The following SLC7A9 variants were observed in gnomAD, a reference collection of about 807,000 sequenced individuals.
SLC7A9 encodes the protein B(0,+)-type amino acid transporter 1.
A neutral mutation model predicts 54.1 loss-of-function variants in SLC7A9; 38 were observed. That is an observed-to-expected ratio of 0.70 (90% CI 0.54 to 0.92). SLC7A9 has a LOEUF of 0.92. SLC7A9 is among the 40% of genes least tolerant of loss of function. The pLI, the probability that SLC7A9 is intolerant of heterozygous loss-of-function variation, is 0.00. For synonymous variants in SLC7A9, 264 were observed against 258.9 expected, an observed-to-expected ratio of 1.02 and a Z score of -0.19; for missense variants, 537 against 636.1, an observed-to-expected ratio of 0.84 and a Z score of 1.68.
At position 32,862,437 on chromosome 19, in the gene SLC7A9, A is replaced by G. The variant is rs11084671; in HGVS notation, c.604+24T>C. ...AAGGGCGTTTGGTGTGTGCCCGTGC[A>G]GGGCCCACCCTCCCGTGGGTCACCT... On this transcript the variant is annotated intron_variant, in intron 5 of 12. Transcript: ENST00000023064. The G allele has an allele frequency of 0.33, 526,086 of 1,611,538 alleles. 87,855 individuals are homozygous for G. The highest frequency in any genetic ancestry group is 0.35 in the Middle Eastern group (1,705 of 4,850).
chr19:32,863,820 G>A (rs1453037427), intron 4 of SLC7A9, among the ~76,000 whole-genome samples: 2 of 152,196 alleles, frequency 1.3e-5, no homozygotes, highest in African/African-American at 2.4e-5. Context: ...GCAGCCTCCC[G>A]AGTAGCTGGG....
intron 2 of SLC7A9, among the ~76,000 whole-genome samples, chr19:32,866,487 C>T (rs923210804): frequency 6.6e-6 from 1 of 152,144 alleles, no homozygotes; most frequent in Non-Finnish European, 1.5e-5. Flanking sequence ...TGCAATGGCG[C>T]GATCATGACT....
chr19:32,854,221 C>T (rs1424767434), intron 9 of SLC7A9, among the ~76,000 whole-genome samples: 1 of 151,968 alleles, frequency 6.6e-6, no homozygotes, highest in African/African-American at 2.4e-5. Context: ...CACTATGTTG[C>T]CTAGGCTGGT....
At chr19:32,851,292 A>G (rs2145825253) in intron 9 of SLC7A9, among the ~76,000 whole-genome samples, 1 of 151,928 alleles carries the variant, frequency 6.6e-6, no homozygotes, top group East Asian at 1.9e-4. Context: ...AAGGGCTAAT[A>G]TCCAGAATCT....
chr19:32,835,889 CTGTG>C (rs1212868987), intron 11 of SLC7A9, among the ~76,000 whole-genome samples: 20 of 140,850 alleles, frequency 1.4e-4, no homozygotes, highest in East Asian at 1.1e-3. Flanking sequence ...AATTTATGTA[CTGTG>C]TGTGTGTGTG....
chr19:32,868,265 C>T (rs943845811), intron 2 of SLC7A9, among the ~76,000 whole-genome samples, 183 bp downstream of exon 2: 12 of 150,952 alleles, frequency 7.9e-5, no homozygotes, highest in African/African-American at 2.9e-4. Context: ...ATGCAGAATT[C>T]CCTGGCGAGA....
At chr19:32,865,553 A>T (rs772264370) in intron 2 of SLC7A9, among the ~76,000 whole-genome samples, 34 of 152,226 alleles carry the variant, frequency 2.2e-4, no homozygotes, top group Non-Finnish European at 4.7e-4. Flanking sequence ...TGTGAAGTTC[A>T]AGAACAGGTG....
At chr19:32,833,449 G>A in intron 11 of SLC7A9, 126 bp from the exon 12 acceptor site, 1 of 941,808 alleles carries the variant, frequency 1.1e-6, no homozygotes, top group Non-Finnish European at 1.7e-6. Context: ...TCATTTTAAT[G>A]TAATTTTGCC....
chr19:32,853,932 AAAACAC>A (rs1422500733), intron 9 of SLC7A9, among the ~76,000 whole-genome samples: 1 of 145,100 alleles, frequency 6.9e-6, no homozygotes, highest in Non-Finnish European at 1.5e-5. Flanking sequence ...AAAAAAAAAA[AAAACAC>A]CAACAAACAA....
At chr19:32,868,008 A>G (rs187177642) in intron 2 of SLC7A9, among the ~76,000 whole-genome samples, 17 of 150,190 alleles carry the variant, frequency 1.1e-4, no homozygotes, top group Admixed American at 8.1e-4. Context: ...CTTTGGGAGG[A>G]TCACCTGAGG....
intron 9 of SLC7A9, among the ~76,000 whole-genome samples, chr19:32,854,281 T>C (rs1968554423): frequency 6.6e-6 from 1 of 152,068 alleles, no homozygotes. Context: ...CCCAAAGTGC[T>C]TTGATTACAG....
At chr19:32,854,321 C>T (rs1051323546) in intron 9 of SLC7A9, among the ~76,000 whole-genome samples, 1 of 151,836 alleles carries the variant, frequency 6.6e-6, no homozygotes, top group Non-Finnish European at 1.5e-5. Context: ...TGCTGGAAGA[C>T]TCAGTACTTT....
chr19:32,856,607 A>G (rs1003221823), intron 9 of SLC7A9, among the ~76,000 whole-genome samples: 1 of 151,044 alleles, frequency 6.6e-6, no homozygotes, highest in Non-Finnish European at 1.5e-5. Context: ...ATATGCAATT[A>G]TTGTTGTTAT....
intron 11 of SLC7A9, among the ~76,000 whole-genome samples, chr19:32,841,918 G>C (rs1290753573): frequency 6.6e-6 from 1 of 152,106 alleles, no homozygotes; most frequent in Non-Finnish European, 1.5e-5. Context: ...AAACAAATGA[G>C]AGCCAGGTGG....
chr19:32,863,695 C>T (rs1968874486), intron 4 of SLC7A9, among the ~76,000 whole-genome samples: 1 of 152,212 alleles, frequency 6.6e-6, no homozygotes, highest in African/African-American at 2.4e-5. Flanking sequence ...CATATCATCT[C>T]CCAAATTCCA....
intron 9 of SLC7A9, among the ~76,000 whole-genome samples, chr19:32,854,130 A>T (rs1320505695): frequency 6.6e-6 from 1 of 151,524 alleles, no homozygotes; most frequent in Non-Finnish European, 1.5e-5. Flanking sequence ...CTCCCACCTC[A>T]GTCTCCTGAG....
intron 9 of SLC7A9, among the ~76,000 whole-genome samples, chr19:32,849,005 T>C (rs1271880687): frequency 2.0e-5 from 3 of 151,794 alleles, no homozygotes; most frequent in Admixed American, 1.3e-4. Context: ...AGACACAACA[T>C]ACCAGAATCT....
chr19:32,862,321 C>T (rs750466281), intron 5 of SLC7A9, 104 bp from the exon 6 acceptor site: 65 of 1,443,274 alleles, frequency 4.5e-5, no homozygotes, highest in African/African-American at 3.1e-4. Flanking sequence ...TTAATAAACA[C>T]GCCCTGAAAC....
intron 9 of SLC7A9, among the ~76,000 whole-genome samples, chr19:32,849,000 C>T (rs2145821716): frequency 6.6e-6 from 1 of 152,014 alleles, no homozygotes; most frequent in East Asian, 1.9e-4. Flanking sequence ...AACAAAGACA[C>T]AACATACCAG....
Sources: gnomAD v4.1 joint callset for allele counts (sites outside exome capture counted in the v4.1 genomes callset) on GRCh38, gnomAD v4.1.1 for gene constraint, MANE v1.5 for transcripts, NCBI Gene and HGNC (gene_info 2026-07-23, HGNC 2026-07-21) for gene names.